DESI2: variants seen among roughly 807,000 people sequenced by gnomAD.
DESI2 encodes desumoylating isopeptidase 2.
A neutral mutation model predicts 24.1 loss-of-function variants in DESI2; 10 were observed. The observed-to-expected ratio is 0.41, with a 90% confidence interval of 0.26 to 0.70. DESI2 has a LOEUF of 0.70. Among genes scored for constraint, DESI2 ranks in the 30% least tolerant of loss-of-function variants. DESI2 has a pLI of 0.29. For synonymous variants in DESI2, 71 were observed against 87.7 expected (o/e 0.81, Z 1.06); for missense variants, 122 against 234.9 (o/e 0.52, Z 3.14).
At chr1:244,664,171 T>C (rs1489588193) in intron 1 of DESI2, among the ~76,000 whole-genome samples, 1 of 152,178 alleles carries the variant, frequency 6.6e-6, no homozygotes, top group Non-Finnish European at 1.5e-5. Context: ...AATTACTCTT[T>C]GAAGAGAACA....
At chr1:244,663,596 G>A (rs1675930062) in intron 1 of DESI2, among the ~76,000 whole-genome samples, 1 of 152,170 alleles carries the variant, frequency 6.6e-6, no homozygotes. Context: ...GAATAATAAA[G>A]TAGAGCATTA....
At chr1:244,663,891 G>C (rs981251372) in intron 1 of DESI2, among the ~76,000 whole-genome samples, 1 of 151,958 alleles carries the variant, frequency 6.6e-6, no homozygotes, top group Non-Finnish European at 1.5e-5. Context: ...GGTGGCGGGC[G>C]CCTGTAGTCC....
chr1:244,687,240 C>T (rs1676856672), intron 2 of DESI2, among the ~76,000 whole-genome samples: 1 of 152,178 alleles, frequency 6.6e-6, no homozygotes, highest in African/African-American at 2.4e-5. Context: ...CAGCCCTTTT[C>T]ATTCTCCTTA....
intron 1 of DESI2, among the ~76,000 whole-genome samples, chr1:244,654,875 C>G (rs1675592595): frequency 6.6e-6 from 1 of 152,182 alleles, no homozygotes; most frequent in Non-Finnish European, 1.5e-5. Flanking sequence ...CTCTTGAGAT[C>G]ACAGTGTGCC....
At chr1:244,656,836 G>A (rs1320606856) in intron 1 of DESI2, among the ~76,000 whole-genome samples, 2 of 152,234 alleles carry the variant, frequency 1.3e-5, no homozygotes, top group East Asian at 3.9e-4. Context: ...GTGCAGTGGT[G>A]CGATCTCGGC....
intron 4 of DESI2, among the ~76,000 whole-genome samples, chr1:244,702,465 G>T (rs925027204): frequency 6.6e-6 from 1 of 152,186 alleles, no homozygotes; most frequent in African/African-American, 2.4e-5. Flanking sequence ...AGCGAGCCCA[G>T]ATTGTGCCAC....
At chr1:244,674,829 A>G (rs1187590914) in intron 1 of DESI2, among the ~76,000 whole-genome samples, 1 of 152,218 alleles carries the variant, frequency 6.6e-6, no homozygotes, top group Non-Finnish European at 1.5e-5. Flanking sequence ...CATTAATTAC[A>G]AGTTTTTATG....
At chr1:244,696,880 G>A (rs927897815) in intron 4 of DESI2, among the ~76,000 whole-genome samples, 5 of 151,368 alleles carry the variant, frequency 3.3e-5, no homozygotes, top group African/African-American at 9.7e-5. Context: ...CTGGGATTTT[G>A]GCAGAGGACG....
rs1676954460 is a variant in DESI2 at position 244,689,711 on chromosome 1, T to C, written c.209+369T>C. 6.6e-6 allele frequency among the ~76,000 whole-genome samples: 1 copy of C among 152,084 alleles called. No individual in the cohort carries two copies. Among genetic ancestry groups the C allele is most frequent in the Non-Finnish European group, 1.5e-5 (1 of 68,002 alleles). On this transcript the variant is annotated intron_variant, in intron 3 of 4. Coordinates refer to ENST00000302550, the MANE Select transcript of DESI2 (RefSeq NM_016076.5). The surrounding 1 kb of genome is among the most constrained non-coding windows in gnomAD (Gnocchi z 4.0). ...TTTTAGTAGAGATGGAGTTTCGCCA[T>C]GTTGGCCAGGCTAGTCTTGAACTCC...
At chr1:244,694,472 A>G (rs1349528021) in intron 4 of DESI2, 1 of 787,142 alleles carries the variant, frequency 1.3e-6, no homozygotes, top group African/African-American at 1.7e-5. Context: ...TCTTGGGTTT[A>G]GGTGGTGTTC....
At chr1:244,653,646 G>A in intron 1 of DESI2, 1 of 508,678 alleles carries the variant, frequency 2.0e-6, no homozygotes, top group Non-Finnish European at 3.5e-6. Context: ...CGACCCCTTG[G>A]CCGACGTGCA....
Position 244,689,407 on chromosome 1 carries a change from G to T in DESI2, c.209+65G>T. The T allele has an allele frequency of 1.3e-6, 1 of 743,690 alleles. No homozygotes were observed. The highest frequency in any genetic ancestry group is 2.3e-6 in the Non-Finnish European group (1 of 430,930). 46.1% of individuals were successfully genotyped at this position (743,690 alleles called of 1,614,324 possible). ...GCCATAGCTTGTTTTCAGGTATACA[G>T]AATTCATTCTGTAAATCAAAACAAA... On this transcript the variant is annotated intron_variant, in intron 3 of 4. Coordinates refer to ENST00000302550, the MANE Select transcript of DESI2 (RefSeq NM_016076.5). This position sits in a 1 kb window ranked among gnomAD's most constrained non-coding sequence, Gnocchi z 4.0.
At chr1:244,703,524 T>C (rs1677563337) in intron 4 of DESI2, among the ~76,000 whole-genome samples, 1 of 151,722 alleles carries the variant, frequency 6.6e-6, no homozygotes. Context: ...CCCAGCAAAT[T>C]TGTGTGTGTG....
At chr1:244,666,482 TA>T (rs1006220995) in intron 1 of DESI2, among the ~76,000 whole-genome samples, 1 of 152,228 alleles carries the variant, frequency 6.6e-6, no homozygotes, top group African/African-American at 2.4e-5. Flanking sequence ...TGAGGAGAAT[TA>T]GTGATATACT....
At chr1:244,703,660 C>CTT (rs34869457) in intron 4 of DESI2, among the ~76,000 whole-genome samples, 41 of 143,156 alleles carry the variant, frequency 2.9e-4, no homozygotes, top group African/African-American at 9.1e-4. Flanking sequence ...CTCATGTACA[C>CTT]TTTTTTTTTT....
At chr1:244,653,628 T>C (rs1406541903) in intron 1 of DESI2, 6 of 519,980 alleles carry the variant, frequency 1.2e-5, no homozygotes, top group Non-Finnish European at 2.0e-5. Flanking sequence ...CGACCCCGGC[T>C]CTGGGCCCGA....
At chr1:244,667,911 A>G (rs1416632509) in intron 1 of DESI2, among the ~76,000 whole-genome samples, 1 of 152,194 alleles carries the variant, frequency 6.6e-6, no homozygotes. Flanking sequence ...TCATTGTGTG[A>G]TCTTGGTTAA....
At chr1:244,675,926 G>C (rs977882125) in intron 1 of DESI2, among the ~76,000 whole-genome samples, 1 of 151,888 alleles carries the variant, frequency 6.6e-6, no homozygotes, top group African/African-American at 2.4e-5. Context: ...ATTTATTTAG[G>C]TCTTCTTTAA....
At chr1:244,664,385 A>G (rs1294621880) in intron 1 of DESI2, among the ~76,000 whole-genome samples, 13 of 152,218 alleles carry the variant, frequency 8.5e-5, no homozygotes. Flanking sequence ...TCAAACCTAC[A>G]GGGAAAAGAG....
Sources: gnomAD v4.1 joint callset for allele counts (sites outside exome capture counted in the v4.1 genomes callset) on GRCh38, gnomAD v4.1.1 for gene constraint, Gnocchi (gnomAD v3.1) non-coding constraint, MANE v1.5 for transcripts, NCBI Gene and HGNC (gene_info 2026-07-23, HGNC 2026-07-21) for gene names.